The following LARGE1 variants were observed in gnomAD, a reference collection of about 807,000 sequenced individuals.
LARGE1 encodes the protein LARGE xylosyl- and glucuronyltransferase 1, also known as xylosyl- and glucuronyltransferase LARGE1.
LARGE1 carries 43 observed loss-of-function variants against 87.6 expected under a neutral mutation model. That is an observed-to-expected ratio of 0.49 (90% CI 0.38 to 0.63). The LOEUF is 0.63. LARGE1 is among the 30% of genes least tolerant of loss of function. The pLI is 0.00. For missense variants in LARGE1, 802 were observed against 1,000.2 expected, an observed-to-expected ratio of 0.80 and a Z score of 2.67; for synonymous variants, 434 against 394.6, an observed-to-expected ratio of 1.10 and a Z score of -1.18.
intron 6 of LARGE1, among the ~76,000 whole-genome samples, chr22:33,452,986 G>C (rs2267209): frequency 0.21 from 31,361 of 152,146 alleles, 3,388 homozygotes; most frequent in Middle Eastern, 0.27. Context: ...CAAGGAACCA[G>C]AGAATGCTGT....
chr22:33,166,847 G>C (rs1192685969), intron 11 of LARGE1: 3 of 471,238 alleles, frequency 6.4e-6, no homozygotes, highest in African/African-American at 6.0e-5. Flanking sequence ...AAGCAAAAGA[G>C]AATGAGAAAG....
chr22:33,820,188 T>C (rs943514784), intron 1 of LARGE1, among the ~76,000 whole-genome samples: 18 of 152,222 alleles, frequency 1.2e-4, no homozygotes, highest in Non-Finnish European at 2.5e-4. Flanking sequence ...GGAATAGTTA[T>C]GCTGATTAAA....
At chr22:33,882,277 G>C (rs909679182) in intron 1 of LARGE1, among the ~76,000 whole-genome samples, 1 of 152,064 alleles carries the variant, frequency 6.6e-6, no homozygotes, top group Non-Finnish European at 1.5e-5. Flanking sequence ...TGATCCGCTC[G>C]CCTCGGCCTC....
intron 6 of LARGE1, among the ~76,000 whole-genome samples, chr22:33,556,734 G>C (rs2077702711): frequency 6.6e-6 from 1 of 151,728 alleles, no homozygotes; most frequent in Non-Finnish European, 1.5e-5. Flanking sequence ...GAGGCTGGCT[G>C]CAGTGGCTCA....
chr22:33,676,547 A>G (rs775219235), intron 2 of LARGE1, among the ~76,000 whole-genome samples: 2 of 151,772 alleles, frequency 1.3e-5, no homozygotes, highest in Non-Finnish European at 2.9e-5. Context: ...TAAATCTACA[A>G]TATCTGCCAT....
At chr22:33,481,189 T>A (rs1244005843) in intron 6 of LARGE1, among the ~76,000 whole-genome samples, 1 of 151,504 alleles carries the variant, frequency 6.6e-6, no homozygotes, top group Non-Finnish European at 1.5e-5. Context: ...ATTTACATTT[T>A]TCATACCTTT....
chr22:33,394,914 A>G (rs2065672365), intron 7 of LARGE1, among the ~76,000 whole-genome samples: 1 of 152,098 alleles, frequency 6.6e-6, no homozygotes, highest in African/African-American at 2.4e-5. Flanking sequence ...AAACCTGGGA[A>G]GATCCCAATC....
chr22:33,744,888 G>A (rs1003914002), intron 2 of LARGE1, among the ~76,000 whole-genome samples: 4 of 152,220 alleles, frequency 2.6e-5, no homozygotes, highest in African/African-American at 7.2e-5. Flanking sequence ...TTGGGACCTA[G>A]GGCAAGTTTC....
intron 2 of LARGE1, among the ~76,000 whole-genome samples, chr22:33,677,589 C>T (rs1026117892): frequency 1.1e-4 from 16 of 152,262 alleles, no homozygotes; most frequent in Admixed American, 5.2e-4. Context: ...CCATGGCCCT[C>T]AGTCAGAAGC....
intron 7 of LARGE1, among the ~76,000 whole-genome samples, chr22:33,389,176 C>A (rs1419259292): frequency 3.3e-5 from 5 of 152,224 alleles, no homozygotes; most frequent in African/African-American, 1.2e-4. Context: ...TAGAGTGTAT[C>A]ATGGCCAGAC....
At chr22:33,335,774 G>A (rs1234051624) in intron 10 of LARGE1, among the ~76,000 whole-genome samples, 1 of 152,094 alleles carries the variant, frequency 6.6e-6, no homozygotes, top group African/African-American at 2.4e-5. Flanking sequence ...TGCTCCCTTT[G>A]CTCTTCTCTG....
rs180992521 is a variant in LARGE1 at position 33,328,317 on chromosome 22, C to T, written c.1287+9329G>A. 7.2e-5 allele frequency among the ~76,000 whole-genome samples: 11 copies of T among 152,270 alleles called. No individual in the cohort carries two copies. The East Asian group carries it at 1.7e-3, about 24-fold the overall frequency. On this transcript the variant is annotated intron_variant, in intron 10 of 14. Transcript: ENST00000397394. ...TAAAATGGAGATAACAGCAGTGGCTCGCGCCTGTAATCCCAGCACTTTGGG... is the reference window on the plus strand; with the variant it reads ...TAAAATGGAGATAACAGCAGTGGCTTGCGCCTGTAATCCCAGCACTTTGGG...
chr22:33,919,723 G>T (rs769399607), intron 1 of LARGE1, among the ~76,000 whole-genome samples: 2 of 152,230 alleles, frequency 1.3e-5, no homozygotes, highest in Admixed American at 6.5e-5. Context: ...TGCCCTCGTG[G>T]TGTTAACCAG....
intron 1 of LARGE1, among the ~76,000 whole-genome samples, chr22:33,811,373 C>T (rs576781530): frequency 1.6e-4 from 24 of 152,258 alleles, no homozygotes; most frequent in Admixed American, 6.5e-4. Context: ...CCTTGTGGGA[C>T]GCTCGTGGCT....
rs57007465 is a variant in LARGE1 at position 33,387,525 on chromosome 22, T to TGGGG, written c.893-3225_893-3222dup. ...ATAGATGCTCCAATGTATTAAAAAATGGGGGGGGGGATGGTGGGAAACTAG... is the reference window on the plus strand; with the variant it reads ...ATAGATGCTCCAATGTATTAAAAAATGGGGGGGGGGGGGGATGGTGGGAAACTAG... On this transcript the variant is annotated intron_variant, in intron 7 of 14. Transcript: ENST00000397394. Among the ~76,000 whole-genome samples, 531 of 110,240 alleles carry TGGGG rather than the reference T, an allele frequency of 4.8e-3. 5 individuals carry two copies. Among genetic ancestry groups the TGGGG allele is most frequent in the African/African-American group, 6.7e-3 (204 of 30,250 alleles). 72.3% of individuals were successfully genotyped at this position (110,240 alleles called of 152,430 possible).
At chr22:33,565,371 T>G (rs2077991950) in intron 5 of LARGE1, among the ~76,000 whole-genome samples, 1 of 152,178 alleles carries the variant, frequency 6.6e-6, no homozygotes, top group Non-Finnish European at 1.5e-5. Context: ...GTCCAAAAAT[T>G]GAATCCCACT....
chr22:33,241,912 A>G (rs1926543438), intron 11 of LARGE1, among the ~76,000 whole-genome samples: 1 of 151,712 alleles, frequency 6.6e-6, no homozygotes, highest in Non-Finnish European at 1.5e-5. Context: ...CATTTAGACA[A>G]GAGGAATCAG....
At chr22:33,721,653 G>GC (rs1386785651) in intron 2 of LARGE1, among the ~76,000 whole-genome samples, 2 of 152,174 alleles carry the variant, frequency 1.3e-5, no homozygotes, top group African/African-American at 4.8e-5. Context: ...AAGAATCAGA[G>GC]CAGCCACACA....
At chr22:33,351,656 C>G (rs866214126) in intron 9 of LARGE1, among the ~76,000 whole-genome samples, 5 of 151,996 alleles carry the variant, frequency 3.3e-5, no homozygotes, top group Non-Finnish European at 7.4e-5. Flanking sequence ...ACTACTACCC[C>G]CTTTGCGAGG....
Sources: allele counts gnomAD v4.1 joint callset (sites outside exome capture counted in the v4.1 genomes callset), GRCh38; gene constraint gnomAD v4.1.1; transcripts MANE v1.5; gene names NCBI Gene and HGNC (gene_info 2026-07-23, HGNC 2026-07-21).